TMEM132D: variants seen among roughly 807,000 people sequenced by gnomAD.
TMEM132D encodes transmembrane protein 132D.
Under a neutral mutation model 62.3 loss-of-function variants are expected in TMEM132D, and 21 were observed. The ratio of observed to expected loss-of-function variants is 0.34; its 90% CI spans 0.24 to 0.49. The LOEUF (loss-of-function observed/expected upper bound fraction) is 0.49, where lower values mean the gene tolerates loss of function less well. Among genes scored for constraint, TMEM132D ranks in the 20% least tolerant of loss-of-function variants. The probability of loss-of-function intolerance (pLI) is 0.99; values close to 1 mark genes in which losing one functional copy is unlikely to be tolerated. For synonymous variants in TMEM132D, 621 were observed against 575.6 expected (o/e 1.08, Z -1.13); for missense variants, 1,346 against 1,402.8 (o/e 0.96, Z 0.65).
chr12:129,861,558 C>T (rs1873897147), intron 1 of TMEM132D, among the ~76,000 whole-genome samples: 1 of 152,080 alleles, frequency 6.6e-6, no homozygotes, highest in Non-Finnish European at 1.5e-5. Context: ...GACAGTAGTT[C>T]GAGACCAGCC....
At chr12:129,776,913 A>T (rs914738578) in intron 1 of TMEM132D, among the ~76,000 whole-genome samples, 5 of 152,126 alleles carry the variant, frequency 3.3e-5, no homozygotes, top group Non-Finnish European at 7.4e-5. Context: ...ACCTTTGGGT[A>T]GGAAAATAAA....
intron 4 of TMEM132D, among the ~76,000 whole-genome samples, chr12:129,249,920 A>G (rs1166723272): frequency 1.3e-5 from 2 of 152,186 alleles, no homozygotes; most frequent in East Asian, 3.9e-4. Flanking sequence ...GGGCAGGAAC[A>G]GCAGGCCCCG....
At position 129,788,045 on chromosome 12, in the gene TMEM132D, C is replaced by A. The variant is rs374274028; in HGVS notation, c.80-87347G>T. On this transcript the variant is annotated intron_variant, in intron 1 of 8. Transcript: ENST00000422113. Reference sequence around the variant, plus strand: ...CCCCACCCAGGCATCCTGGCCCAACCACTCGGGGCACAGGGATGTACACAA... The same window carrying A: ...CCCCACCCAGGCATCCTGGCCCAACAACTCGGGGCACAGGGATGTACACAA... Among the ~76,000 whole-genome samples the A allele has an allele frequency of 2.4e-4, 37 of 152,334 alleles. 1 individual carries two copies. The South Asian group carries it at 7.2e-3, about 30-fold the overall frequency.
rs1481575226 is a variant in TMEM132D at position 129,073,940 on chromosome 12, C to T, written c.3235G>A (p.Asp1079Asn). Residue 1079 changes from aspartate (D) to asparagine (N), a missense_variant, in exon 9 of 9, where the codon GAT becomes AAT. Physicochemically the swap from Asp to Asn is conservative, Grantham distance 23. Coordinates refer to ENST00000422113, the MANE Select transcript of TMEM132D (RefSeq NM_133448.3). ...SEDDIKWVCQ[D>N]LDPGDCKELH... is the part of the protein sequence containing the mutation. ...TCTTTGCAGTCCCCAGGGTCCAGAT[C>T]CTGGCAGACCCACTTAATGTCATCC... 6.2e-7 allele frequency: 1 copy of T among 1,604,774 alleles called. No homozygotes were observed. The highest frequency in any genetic ancestry group is 1.1e-5 in the South Asian group (1 of 89,366).
At position 129,277,669 on chromosome 12, in the gene TMEM132D, A is replaced by C. The variant is rs1418194027; in HGVS notation, c.1299+59965T>G. 6.6e-6 allele frequency among the ~76,000 whole-genome samples: 1 copy of C among 152,226 alleles called. No homozygotes were observed. The highest frequency in any genetic ancestry group is 1.5e-5 in the Non-Finnish European group (1 of 68,040). ...AAGTTAGAAACAAATTTAGTATCTC[A>C]ATTTTTTAAATTGCCCGTATTGTGT... On this transcript the variant is annotated intron_variant, in intron 4 of 8. Transcript: ENST00000422113. This position sits in a 1 kb window ranked among gnomAD's most constrained non-coding sequence, Gnocchi z 4.2.
At chr12:129,190,950 C>T (rs190647500) in intron 5 of TMEM132D, among the ~76,000 whole-genome samples, 17 of 152,252 alleles carry the variant, frequency 1.1e-4, no homozygotes, top group African/African-American at 3.9e-4. Flanking sequence ...TGCCTCCGCA[C>T]AAAAGGTGTA....
intron 2 of TMEM132D, among the ~76,000 whole-genome samples, chr12:129,620,577 T>C (rs887299414): frequency 1.3e-5 from 2 of 152,128 alleles, no homozygotes; most frequent in African/African-American, 4.8e-5. Context: ...CCAGCCTGGG[T>C]GACAGAGTGA....
intron 1 of TMEM132D, among the ~76,000 whole-genome samples, chr12:129,868,052 A>ACAGCATTTCTATGGTACACACATGAGG (rs1566013900): frequency 1.6e-4 from 24 of 151,326 alleles, no homozygotes; most frequent in Non-Finnish European, 8.8e-5. Context: ...CACACATGAG[A>ACAGCATTTCTATGGTACACACATGAGG]CAGCGTTTCT....
At chr12:129,628,907 T>C (rs1337726067) in intron 2 of TMEM132D, among the ~76,000 whole-genome samples, 1 of 151,140 alleles carries the variant, frequency 6.6e-6, no homozygotes, top group African/African-American at 2.4e-5. Flanking sequence ...CCCATCTTCC[T>C]TCCTTCATTT....
At chr12:129,896,150 GTT>G (rs528660395) in intron 1 of TMEM132D, among the ~76,000 whole-genome samples, 54 of 151,036 alleles carry the variant, frequency 3.6e-4, no homozygotes, top group Middle Eastern at 3.4e-3. Flanking sequence ...TTTTTGTTTT[GTT>G]TTGTTTTGTT....
chr12:129,134,134 C>G (rs76100793), intron 5 of TMEM132D, among the ~76,000 whole-genome samples: 3,479 of 76,912 alleles, frequency 0.045, 152 homozygotes, highest in African/African-American at 0.1. Context: ...GTGTGTGTGT[C>G]TGTGTGTGTG....
rs543704820 is a variant in TMEM132D at position 129,122,452 on chromosome 12, C to G, written c.1444-37750G>C. Among the ~76,000 whole-genome samples, 78 of 152,318 alleles carry G rather than the reference C, an allele frequency of 5.1e-4. 1 individual carries two copies. Among genetic ancestry groups the G allele is most frequent in the African/African-American group, 1.8e-3 (73 of 41,568 alleles). On this transcript the variant is annotated intron_variant, in intron 5 of 8. Coordinates refer to ENST00000422113, the MANE Select transcript of TMEM132D (RefSeq NM_133448.3). ...AGTTTTGGCACCTGTGAATTTGCTG[C>G]TAGACACCATGAGCTCCTCAAAAGG...
intron 2 of TMEM132D, among the ~76,000 whole-genome samples, chr12:129,532,970 T>C (rs1050768889): frequency 2.0e-5 from 3 of 152,162 alleles, no homozygotes; most frequent in African/African-American, 7.2e-5. Context: ...GGCGAATACA[T>C]CGGAGCAGTG....
chr12:129,694,080 T>C (rs1036923776), intron 2 of TMEM132D, among the ~76,000 whole-genome samples: 7 of 152,256 alleles, frequency 4.6e-5, no homozygotes, highest in African/African-American at 1.7e-4. Flanking sequence ...TCTTTTGCAA[T>C]ACATTGCTCT....
chr12:129,086,079 GC>G (rs1874607059), intron 5 of TMEM132D: 1 of 152,186 alleles, frequency 6.6e-6, no homozygotes, highest in Non-Finnish European at 1.5e-5. Flanking sequence ...TAAGTACTTG[GC>G]AGGTACAACT....
chr12:129,903,178 G>A lies in TMEM132D; in HGVS notation c.79+83C>T. The A allele has an allele frequency of 7.1e-7, 1 of 1,415,574 alleles. No individual in the cohort carries two copies. 87.7% of individuals were successfully genotyped at this position (1,415,574 alleles called of 1,614,324 possible). A position where few individuals can be genotyped will look rare whatever the true frequency, so the allele number is the denominator to read the frequency against. The stretch of plus-strand genomic sequence containing the variant: ...ACTTGCACACGAGCCCTCTCTCCCG[G>A]CCGCCCCCATCCTCCACACACTCCC... On this transcript the variant is annotated intron_variant, in intron 1 of 8. Coordinates refer to ENST00000422113, the MANE Select transcript of TMEM132D (RefSeq NM_133448.3). This position sits in a 1 kb window ranked among gnomAD's most constrained non-coding sequence, Gnocchi z 6.2.
At chr12:129,180,560 C>T (rs1237861513) in intron 5 of TMEM132D, among the ~76,000 whole-genome samples, 1 of 152,120 alleles carries the variant, frequency 6.6e-6, no homozygotes. Context: ...TTTCACAGAC[C>T]TTATGGGAAA....
At chr12:129,752,465 A>G (rs1593147721) in intron 1 of TMEM132D, among the ~76,000 whole-genome samples, 1 of 152,354 alleles carries the variant, frequency 6.6e-6, no homozygotes, top group African/African-American at 2.4e-5. Context: ...ACAGTGTAGA[A>G]TAAGTCATAA....
chr12:129,087,950 CCTCCCTGACCGGGGTG>C, intron 5 of TMEM132D, among the ~76,000 whole-genome samples: 1 of 120,262 alleles, frequency 8.3e-6, no homozygotes, highest in Non-Finnish European at 1.7e-5. Context: ...ACCGGGGTGT[CCTCCCTGACCGGGGTG>C]TCCTCCATGA....
Sources: gnomAD v4.1 joint callset for allele counts (sites outside exome capture counted in the v4.1 genomes callset) on GRCh38, gnomAD v4.1.1 for gene constraint, Gnocchi (gnomAD v3.1) non-coding constraint, MANE v1.5 for transcripts, NCBI Gene and HGNC (gene_info 2026-07-23, HGNC 2026-07-21) for gene names.